The following ELOC variants were observed in gnomAD, a reference collection of about 807,000 sequenced individuals.
ELOC encodes the protein elongin-C.
For synonymous variants in ELOC, 40 were observed against 51.3 expected (o/e 0.78, Z 0.94); for missense variants, 38 against 139.0 (o/e 0.27, Z 3.65).
chr8:73,961,656 G>T (rs570824405), intron 1 of ELOC, among the ~76,000 whole-genome samples: 62 of 152,112 alleles, frequency 4.1e-4, no homozygotes, highest in African/African-American at 1.4e-3. Flanking sequence ...TGGGATTACA[G>T]GCGTCTGTCA....
chr8:73,952,325 G>A (rs1022453156), intron 3 of ELOC, among the ~76,000 whole-genome samples: 6 of 151,788 alleles, frequency 4.0e-5, no homozygotes, highest in Non-Finnish European at 5.9e-5. Flanking sequence ...AATCGGTTGA[G>A]GGTGCAGTGA....
chr8:73,970,980 G>A lies in ELOC; in HGVS notation c.-51+1097C>T, dbSNP rs1196226477. Among the ~76,000 whole-genome samples, 4 of 133,536 alleles carry A rather than the reference G, an allele frequency of 3.0e-5. No homozygotes were observed. The Admixed American group carries it at 3.6e-4, about 12-fold the overall frequency. 87.6% of individuals were successfully genotyped at this position (133,536 alleles called of 152,430 possible). On this transcript the variant is annotated intron_variant, in intron 1 of 3. Transcript: ENST00000520242. ...ACCCTGGATGCGGAGGTTGCAGTGA[G>A]CCGAGATCAAGTCACTGCACTCCAG...
intron 3 of ELOC, among the ~76,000 whole-genome samples, chr8:73,951,412 C>A (rs1396956964): frequency 1.3e-5 from 2 of 151,496 alleles, no homozygotes; most frequent in Non-Finnish European, 2.9e-5. Context: ...ACACCTGTAA[C>A]CCCAGCACTT....
chr8:73,949,437 T>C (rs891916065), intron 3 of ELOC, among the ~76,000 whole-genome samples: 2 of 152,250 alleles, frequency 1.3e-5, no homozygotes, highest in Non-Finnish European at 2.9e-5. Context: ...TTTTAAAGTG[T>C]ACAATTCAGT....
At chr8:73,966,780 A>G (rs1009847288) in intron 1 of ELOC, among the ~76,000 whole-genome samples, 1 of 151,946 alleles carries the variant, frequency 6.6e-6, no homozygotes, top group Non-Finnish European at 1.5e-5. Flanking sequence ...AGCCCAAGAC[A>G]TGGGTCTTGA....
intron 1 of ELOC, among the ~76,000 whole-genome samples, chr8:73,961,917 A>T (rs1050973964): frequency 2.0e-5 from 3 of 151,888 alleles, no homozygotes; most frequent in African/African-American, 7.3e-5. Context: ...ATTTTTTGAG[A>T]CAGAGTCTCA....
intron 1 of ELOC, among the ~76,000 whole-genome samples, chr8:73,965,429 C>T (rs1814908754): frequency 6.6e-6 from 1 of 152,168 alleles, no homozygotes; most frequent in Admixed American, 6.5e-5. Context: ...GTGGTACATT[C>T]ATACAGAGCA....
chr8:73,959,057 A>T (rs940438055), intron 2 of ELOC, among the ~76,000 whole-genome samples: 1 of 152,206 alleles, frequency 6.6e-6, no homozygotes, highest in African/African-American at 2.4e-5. Context: ...CAGTAGAAAT[A>T]TAGCATAAAA....
chr8:73,956,073 T>C lies in ELOC; in HGVS notation c.5-19A>G, dbSNP rs749331274. 4.4e-6 allele frequency: 7 copies of C among 1,604,090 alleles called. No homozygotes were observed. The highest frequency in any genetic ancestry group is 1.7e-5 in the Admixed American group (1 of 59,300). On this transcript the variant is annotated intron_variant, in intron 2 of 3. Coordinates refer to ENST00000520242, the MANE Select transcript of ELOC (RefSeq NM_005648.4). The stretch of plus-strand genomic sequence containing the variant: ...TCTCCATCTAAAGTAAAGTAAGTAG[T>C]GAAACAATTTTTGAGTCACACAGTG...
chr8:73,955,769 A>T, intron 3 of ELOC, 142 bp downstream of exon 3: 2 of 1,037,316 alleles, frequency 1.9e-6, no homozygotes, highest in Non-Finnish European at 2.8e-6. Context: ...TGTCTCTCTC[A>T]AACAAAAGAA....
chr8:73,956,834 G>A (rs991812146), intron 2 of ELOC, among the ~76,000 whole-genome samples: 13 of 152,148 alleles, frequency 8.5e-5, no homozygotes, highest in Non-Finnish European at 1.9e-4. Context: ...TTTCACACTT[G>A]ATGGTTAAAA....
chr8:73,955,810 G>A, intron 3 of ELOC, 101 bp downstream of exon 3: 3 of 1,257,800 alleles, frequency 2.4e-6, no homozygotes, highest in Non-Finnish European at 3.4e-6. Context: ...AATGTTAGAA[G>A]ACTTATTTTC....
chr8:73,950,740 G>T lies in ELOC; in HGVS notation c.149-3920C>A, dbSNP rs1484174398. On this transcript the variant is annotated intron_variant, in intron 3 of 3. Transcript: ENST00000520242. ...CCTTTGCTTAGAAAAATGTATCAGA[G>T]TCTAATCAAGTCTCTGGAATTTTAA... is the stretch of plus-strand genomic sequence containing the variant. Among the ~76,000 whole-genome samples, 3 of 152,244 alleles carry T rather than the reference G, an allele frequency of 2.0e-5. No homozygotes were observed. In the East Asian group the frequency reaches 5.8e-4, roughly 29 times the overall value.
At chr8:73,948,170 C>T (rs1313560877) in intron 3 of ELOC, among the ~76,000 whole-genome samples, 6 of 145,294 alleles carry the variant, frequency 4.1e-5, no homozygotes, top group Admixed American at 2.9e-4. Flanking sequence ...CCAGCCTGGG[C>T]GACAAGAACG....
chr8:73,952,617 A>G (rs1813853717), intron 3 of ELOC, among the ~76,000 whole-genome samples: 1 of 151,364 alleles, frequency 6.6e-6, no homozygotes, highest in African/African-American at 2.4e-5. Context: ...CGTCTCTACT[A>G]AAAATACAAA....
At chr8:73,963,656 T>C (rs1281604241) in intron 1 of ELOC, among the ~76,000 whole-genome samples, 1 of 152,206 alleles carries the variant, frequency 6.6e-6, no homozygotes, top group Non-Finnish European at 1.5e-5. Context: ...ATTGGCTATT[T>C]ACTTGGATAA....
At chr8:73,964,788 C>G (rs1390271075) in intron 1 of ELOC, among the ~76,000 whole-genome samples, 1 of 152,104 alleles carries the variant, frequency 6.6e-6, no homozygotes, top group East Asian at 1.9e-4. Context: ...CTTTGGGAGG[C>G]CAAGGCAAGC....
intron 3 of ELOC, among the ~76,000 whole-genome samples, chr8:73,953,836 TAAG>T (rs1439257049): frequency 3.3e-5 from 5 of 152,258 alleles, no homozygotes; most frequent in South Asian, 2.1e-4. Flanking sequence ...ACTGCACTTC[TAAG>T]AAGACACCCA....
chr8:73,959,757 T>C lies in ELOC; in HGVS notation c.4+8A>G, dbSNP rs770324900. ...GTTAAAACACAAAATTAATTATCTTTAGCTTACCCATTTTGTTCTTATGAA... is the reference window on the plus strand; with the variant it reads ...GTTAAAACACAAAATTAATTATCTTCAGCTTACCCATTTTGTTCTTATGAA... On this transcript the variant is annotated splice_region_variant and intron_variant, in intron 2 of 3. Transcript: ENST00000520242. 3 of 1,562,226 alleles carry C rather than the reference T, an allele frequency of 1.9e-6. No homozygotes were observed. The African/African-American group carries it at 4.1e-5, about 22-fold the overall frequency.
Sources: gnomAD v4.1 joint callset for allele counts (sites outside exome capture counted in the v4.1 genomes callset) on GRCh38, gnomAD v4.1.1 for gene constraint, MANE v1.5 for transcripts, NCBI Gene and HGNC (gene_info 2026-07-23, HGNC 2026-07-21) for gene names.